EML6: variants seen among roughly 807,000 people sequenced by gnomAD.
EML6 encodes EMAP like 6.
EML6 carries 154 observed loss-of-function variants against 240.1 expected under a neutral mutation model. The ratio of observed to expected loss-of-function variants is 0.64; its 90% CI spans 0.56 to 0.73. EML6 has a LOEUF of 0.73. Among genes scored for constraint, EML6 ranks in the 30% least tolerant of loss-of-function variants. The pLI is 0.00. For missense variants in EML6, 2,964 were observed against 2,474.6 expected (o/e 1.20, Z -4.20); for synonymous variants, 1,148 against 899.0 (o/e 1.28, Z -4.95).
chr2:54,793,657 A>G (rs1163500225), intron 2 of EML6, among the ~76,000 whole-genome samples: 1 of 152,132 alleles, frequency 6.6e-6, no homozygotes, highest in African/African-American at 2.4e-5. Context: ...AGTTCTTTTC[A>G]GGAAAGCAAT....
intron 3 of EML6, among the ~76,000 whole-genome samples, chr2:54,813,605 A>G (rs1667957057): frequency 6.6e-6 from 1 of 152,162 alleles, no homozygotes; most frequent in Non-Finnish European, 1.5e-5. Context: ...TAGTCCCACC[A>G]TCTGGTTAAA....
chr2:54,890,236 A>G (rs745439884), intron 17 of EML6, among the ~76,000 whole-genome samples: 74 of 152,140 alleles, frequency 4.9e-4, no homozygotes, highest in Admixed American at 1.3e-3. Flanking sequence ...GTCCTAATGT[A>G]TTGTTTTTAA....
chr2:54,791,733 C>T (rs768242945), intron 2 of EML6, among the ~76,000 whole-genome samples: 1 of 152,180 alleles, frequency 6.6e-6, no homozygotes, highest in Non-Finnish European at 1.5e-5. Context: ...AAAAATGATA[C>T]TGGAGGTTCA....
rs560786125 is a variant in EML6, at chr2:54,796,342, C to T, written c.198-16890C>T. On this transcript the variant is annotated intron_variant, in intron 2 of 41. Coordinates refer to ENST00000356458, the MANE Select transcript of EML6 (RefSeq NM_001039753.4). ...ACTCTCAAAATAACACAATAGGAGC[C>T]TAAAGAAGCTAAATGACCTATTTCT... Among the ~76,000 whole-genome samples, 76 of 152,234 alleles carry T rather than the reference C, an allele frequency of 5.0e-4. 1 individual carries two copies. The highest frequency in any genetic ancestry group is 6.8e-3 in the Middle Eastern group (2 of 294).
chr2:54,955,914 C>T (rs1170655415), intron 32 of EML6, among the ~76,000 whole-genome samples: 1 of 152,184 alleles, frequency 6.6e-6, no homozygotes, highest in South Asian at 2.1e-4. Context: ...TCAAGTCTTA[C>T]TTACAGATAA....
In EML6 at chr2:54,895,350, G is replaced by A. The variant is rs1475258237; in HGVS notation, c.2932G>A (p.Gly978Arg). The A allele has an allele frequency of 6.4e-7, 1 of 1,551,992 alleles. No homozygotes were observed. Among genetic ancestry groups the A allele is most frequent in the South Asian group, 1.2e-5 (1 of 84,054 alleles). The change falls in exon 21 of 42, where the codon GGA becomes AGA. Residue 978 changes from glycine to arginine, a missense_variant. By Grantham distance (125) the Gly-to-Arg change is moderately radical (BLOSUM62 -2). Coordinates refer to ENST00000356458, the MANE Select transcript of EML6 (RefSeq NM_001039753.4). ...HGHILVGTKN[G>R]EILEIDKSGP... ...ACATATCCTGGTGGGAACAAAAAAT[G>A]GAGAGATTCTGGAAATTGATAAGAG...
intron 24 of EML6, among the ~76,000 whole-genome samples, chr2:54,910,626 A>G (rs1039441729): frequency 2.6e-5 from 4 of 151,078 alleles, no homozygotes; most frequent in African/African-American, 7.4e-5. Context: ...TGGGAAAAAC[A>G]GGGGGAAAAC....
Position 54,725,088 on chromosome 2 carries a change from C to T in EML6, c.27C>T (p.Cys9=). 1 of 1,529,076 alleles carries T rather than the reference C, an allele frequency of 6.5e-7. No individual in the cohort carries two copies. Among genetic ancestry groups the T allele is most frequent in the Non-Finnish European group, 8.8e-7 (1 of 1,137,568 alleles). The allele number at this position is 1,529,076 out of a possible 1,614,324, so 94.7% of individuals were successfully genotyped here. A position where few individuals can be genotyped will look rare whatever the true frequency, so the allele number is the denominator to read the frequency against. The change falls in exon 2 of 42, where the codon TGC becomes TGT. Residue 9 remains cysteine, a synonymous_variant. Transcript: ENST00000356458. This position sits in a 1 kb window ranked among gnomAD's most constrained non-coding sequence, Gnocchi z 4.3. ...TGGCGGATCGGACGGCGCCCCGCTG[C>T]CAGCTCCGGCTGGAGTGGGTGTACG... is the stretch of plus-strand genomic sequence containing the variant. MADRTAPR[C]QLRLEWVYGY...
At chr2:54,874,617 A>C (rs569629390) in intron 16 of EML6, among the ~76,000 whole-genome samples, 1 of 152,194 alleles carries the variant, frequency 6.6e-6, no homozygotes, top group East Asian at 1.9e-4. Flanking sequence ...TTTAGAAAGT[A>C]CTAATACTAA....
chr2:54,968,149 T>G lies in EML6; in HGVS notation c.5619T>G (p.Ile1873Met). ...ACAGCGTCCTGGGAGATGAAGTCAT[T>G]GGAATCTGGCCACGAAATGCAGACA... ...SWTSVLGDEVIGIWPRNADKA... is the reference protein window; with the variant it reads ...SWTSVLGDEVMGIWPRNADKA... The change falls in exon 40 of 42, where the codon ATT becomes ATG. Residue 1873 changes from isoleucine to methionine, a missense_variant. Coordinates refer to ENST00000356458, the MANE Select transcript of EML6 (RefSeq NM_001039753.4). 1 of 1,551,408 alleles carries G rather than the reference T, an allele frequency of 6.4e-7. No individual in the cohort carries two copies. The highest frequency in any genetic ancestry group is 2.4e-5 in the East Asian group (1 of 40,916).
intron 2 of EML6, among the ~76,000 whole-genome samples, chr2:54,809,641 T>C (rs971429958): frequency 6.6e-6 from 1 of 152,206 alleles, no homozygotes; most frequent in African/African-American, 2.4e-5. Flanking sequence ...TACTTCCCTG[T>C]CATTTAAAAT....
At chr2:54,920,421 A>G (rs1487860765) in intron 26 of EML6, among the ~76,000 whole-genome samples, 2 of 152,154 alleles carry the variant, frequency 1.3e-5, no homozygotes, top group African/African-American at 4.8e-5. Context: ...AAGAAATGAA[A>G]CATATCTGGA....
Position 54,866,892 on chromosome 2 carries a change from G to A in EML6, c.2051+8G>A. On this transcript the variant is annotated splice_region_variant and intron_variant, in intron 14 of 41. Transcript: ENST00000356458. ...ACTCCAGTTCATACACGGGTGGGTG[G>A]CCTGTCATGGGCGCCCGTATGTGTT... The A allele has an allele frequency of 6.6e-7, 1 of 1,510,636 alleles. No individual in the cohort carries two copies. The highest frequency in any genetic ancestry group is 9.0e-7 in the Non-Finnish European group (1 of 1,110,064). The allele number at this position is 1,510,636 out of a possible 1,614,324, so 93.6% of individuals were successfully genotyped here.
intron 5 of EML6, among the ~76,000 whole-genome samples, chr2:54,824,481 G>A (rs904238531): frequency 1.3e-5 from 2 of 151,832 alleles, no homozygotes; most frequent in African/African-American, 4.8e-5. Flanking sequence ...TTTTTCCCCA[G>A]AAAACCTACC....
At chr2:54,944,338 A>G (rs1023263375) in intron 28 of EML6, among the ~76,000 whole-genome samples, 3 of 152,132 alleles carry the variant, frequency 2.0e-5, no homozygotes, top group African/African-American at 7.2e-5. Flanking sequence ...AAGCTGGAAA[A>G]CTGGTATTGC....
rs949170833 is a variant in EML6 at position 54,962,556 on chromosome 2, A to G, written c.5002A>G (p.Ile1668Val). Residue 1668 changes from isoleucine to valine, a missense_variant, in exon 36 of 42, where the codon ATA (isoleucine) becomes GTA (valine). Physicochemically the swap from Ile to Val is conservative, Grantham distance 29. Transcript: ENST00000356458. ...CTTAGTGGGAACCAAAGACGGAGAAATAATTGAAGTTGGTGAAAAAAATGC... is the reference window on the plus strand; with the variant it reads ...CTTAGTGGGAACCAAAGACGGAGAAGTAATTGAAGTTGGTGAAAAAAATGC... ...KILVGTKDGE[I>V]IEVGEKNAAS... is the part of the protein sequence containing the mutation. The G allele has an allele frequency of 6.5e-6, 10 of 1,548,636 alleles. No individual in the cohort carries two copies. The highest frequency in any genetic ancestry group is 7.9e-6 in the Non-Finnish European group (9 of 1,145,710).
chr2:54,860,080 T>G (rs1433483536), intron 12 of EML6, among the ~76,000 whole-genome samples: 1 of 151,996 alleles, frequency 6.6e-6, no homozygotes, highest in Non-Finnish European at 1.5e-5. Context: ...TGAGAAAACA[T>G]CCACATTGGG....
chr2:54,770,276 T>G (rs572427889), intron 2 of EML6, among the ~76,000 whole-genome samples: 1 of 152,320 alleles, frequency 6.6e-6, no homozygotes, highest in Non-Finnish European at 1.5e-5. Flanking sequence ...TGAGAGTCCT[T>G]AATAATTACA....
intron 21 of EML6, among the ~76,000 whole-genome samples, chr2:54,899,346 G>C (rs1033543495): frequency 5.3e-5 from 8 of 152,126 alleles, no homozygotes; most frequent in Non-Finnish European, 1.0e-4. Context: ...CATTTACCTG[G>C]ATGTTTCTAA....
Sources: allele counts gnomAD v4.1 joint callset (sites outside exome capture counted in the v4.1 genomes callset), GRCh38; gene constraint gnomAD v4.1.1; non-coding constraint Gnocchi (gnomAD v3.1); transcripts MANE v1.5; gene names NCBI Gene and HGNC (gene_info 2026-07-23, HGNC 2026-07-21).